TMEM38A: variants seen among roughly 807,000 people sequenced by gnomAD.
TMEM38A encodes transmembrane protein 38A, also known as trimeric intracellular cation channel type A.
A neutral mutation model predicts 28.6 loss-of-function variants in TMEM38A; 17 were observed. That is an observed-to-expected ratio of 0.60 (90% CI 0.41 to 0.89). The LOEUF is 0.89. TMEM38A is among the 40% of genes least tolerant of loss of function. TMEM38A has a pLI of 0.00. For missense variants in TMEM38A, 328 were observed against 393.1 expected (o/e 0.83, Z 1.40); for synonymous variants, 169 against 166.1 (o/e 1.02, Z -0.14).
rs545778773 is a variant in TMEM38A at position 16,689,748 on chromosome 19, A to G, written c.*1377A>G. On this transcript the variant is annotated 3_prime_UTR_variant, in exon 6 of 6. Transcript: ENST00000187762. ...GCCTGCTTCAGTGTGAGCGAGGTGGATGATATTATAGCTGAAGGGTCCCTC... is the reference window on the plus strand; with the variant it reads ...GCCTGCTTCAGTGTGAGCGAGGTGGGTGATATTATAGCTGAAGGGTCCCTC... 6.6e-6 allele frequency: 1 copy of G among 152,226 alleles called. No homozygotes were observed. The highest frequency in any genetic ancestry group is 1.5e-5 in the Non-Finnish European group (1 of 68,140). The allele number at this position is 152,226 out of a possible 1,614,324, so 9.4% of individuals were successfully genotyped here. A position where few individuals can be genotyped will look rare whatever the true frequency, so the allele number is the denominator to read the frequency against.
intron 2 of TMEM38A, 125 bp from the exon 3 acceptor site, chr19:16,680,272 C>T (rs2086775850): frequency 6.8e-7 from 1 of 1,476,934 alleles, no homozygotes; most frequent in Non-Finnish European, 9.3e-7. Flanking sequence ...ATATGCTGCC[C>T]TCCATGCCCA....
chr19:16,678,414 T>G (rs1599389726), intron 1 of TMEM38A, among the ~76,000 whole-genome samples: 1 of 123,576 alleles, frequency 8.1e-6, no homozygotes. Context: ...GGTGACAGAG[T>G]GAGACTCTGT....
At chr19:16,686,156 C>G (rs769844750) in intron 4 of TMEM38A, 132 bp from the exon 5 acceptor site, 75 of 627,662 alleles carry the variant, frequency 1.2e-4, no homozygotes, top group Non-Finnish European at 1.7e-4. Context: ...GAGTGAGATT[C>G]CATCTCAAAA....
rs151014278 is a variant in TMEM38A at position 16,682,729 on chromosome 19, G to A, written c.554+221G>A. Reference sequence around the variant, plus strand: ...TGCAGGAAGGAGGCAATACCTGATTGGGGTTTTGAAGGGTGAGCAGGAGTT... The same window carrying A: ...TGCAGGAAGGAGGCAATACCTGATTAGGGTTTTGAAGGGTGAGCAGGAGTT... On this transcript the variant is annotated intron_variant, in intron 4 of 5. Coordinates refer to ENST00000187762, the MANE Select transcript of TMEM38A (RefSeq NM_024074.4). Among the ~76,000 whole-genome samples the A allele has an allele frequency of 7.5e-3, 1,139 of 152,260 alleles. 7 individuals carry two copies. Among genetic ancestry groups the A allele is most frequent in the Middle Eastern group, 0.02 (6 of 294 alleles).
chr19:16,670,269 G>GTTT (rs1411682446), intron 1 of TMEM38A, among the ~76,000 whole-genome samples: 22 of 121,384 alleles, frequency 1.8e-4, no homozygotes, highest in African/African-American at 6.9e-4. Context: ...CGCCCGGCCT[G>GTTT]TTTTTTGTTT....
At chr19:16,674,052 C>A (rs2086739058) in intron 1 of TMEM38A, among the ~76,000 whole-genome samples, 3 of 151,952 alleles carry the variant, frequency 2.0e-5, no homozygotes, top group Non-Finnish European at 4.4e-5. Context: ...CATCACTGCA[C>A]TCCAGCCTGG....
In TMEM38A at chr19:16,688,260, T is replaced by G; in HGVS notation, c.789T>G (p.Gly263=). Residue 263 remains glycine, a synonymous_variant, in exon 6 of 6, where the codon GGT becomes GGG. Transcript: ENST00000187762. ...CGGDHHHDNH[G]GSHSGGGPGA... ...GTGACCATCACCACGACAACCATGGTGGGTCCCACAGCGGTGGTGGGCCAG... is the reference window on the plus strand; with the variant it reads ...GTGACCATCACCACGACAACCATGGGGGGTCCCACAGCGGTGGTGGGCCAG... The G allele has an allele frequency of 6.2e-7, 1 of 1,604,616 alleles. No homozygotes were observed. Among genetic ancestry groups the G allele is most frequent in the Admixed American group, 1.7e-5 (1 of 58,878 alleles).
chr19:16,668,023 A>C (rs1256535550), intron 1 of TMEM38A, among the ~76,000 whole-genome samples: 1 of 152,088 alleles, frequency 6.6e-6, no homozygotes, highest in African/African-American at 2.4e-5. Context: ...AGCCTGACCA[A>C]CATGGTGAAA....
At chr19:16,673,001 T>C (rs2086734201) in intron 1 of TMEM38A, among the ~76,000 whole-genome samples, 1 of 152,208 alleles carries the variant, frequency 6.6e-6, no homozygotes, top group East Asian at 1.9e-4. Flanking sequence ...AAAAATGATC[T>C]GATCCCAAAT....
At position 16,680,519 on chromosome 19, in the gene TMEM38A, A is replaced by G. The variant is rs780258025; in HGVS notation, c.404A>G (p.His135Arg). Residue 135 changes from histidine (H) to arginine (R), a missense_variant, in exon 3 of 6, where the codon CAT becomes CGT. Coordinates refer to ENST00000187762, the MANE Select transcript of TMEM38A (RefSeq NM_024074.4). ...GTCCGCAAGATCGCGGTGGGCATCC[A>G]TCACGCCCATCACCACTACCACCAC... ...VRVRKIAVGI[H>R]HAHHHYHHGW... is the part of the protein sequence containing the mutation. The G allele has an allele frequency of 6.2e-7, 1 of 1,614,076 alleles. No homozygotes were observed. The highest frequency in any genetic ancestry group is 1.3e-5 in the African/African-American group (1 of 74,938).
rs1231740603 is a variant in TMEM38A at position 16,689,684 on chromosome 19, T to G, written c.*1313T>G. 6.6e-6 allele frequency: 1 copy of G among 152,386 alleles called. No homozygotes were observed. Among genetic ancestry groups the G allele is most frequent in the Non-Finnish European group, 1.5e-5 (1 of 68,234 alleles). 9.4% of individuals were successfully genotyped at this position (152,386 alleles called of 1,614,324 possible). On this transcript the variant is annotated 3_prime_UTR_variant, in exon 6 of 6. Transcript: ENST00000187762. Reference sequence around the variant, plus strand: ...AACAAACATACAGATGCTTACCTGCTCTGTGGTCAGCCTTGTGCTGCTGCT... The same window carrying G: ...AACAAACATACAGATGCTTACCTGCGCTGTGGTCAGCCTTGTGCTGCTGCT...
chr19:16,682,614 T>A, intron 4 of TMEM38A, 106 bp downstream of exon 4: 1 of 978,994 alleles, frequency 1.0e-6, no homozygotes, highest in Non-Finnish European at 1.6e-6. Context: ...CCCTTGACTC[T>A]GCCTTTCAGG....
chr19:16,667,279 G>GAAA (rs11436221), intron 1 of TMEM38A, among the ~76,000 whole-genome samples: 1,885 of 145,740 alleles, frequency 0.013, 34 homozygotes, highest in African/African-American at 0.045. Flanking sequence ...TCCATTTCAG[G>GAAA]AAAAAAAAAA....
chr19:16,672,813 G>C (rs753393927), intron 1 of TMEM38A, among the ~76,000 whole-genome samples: 4 of 152,036 alleles, frequency 2.6e-5, no homozygotes, highest in Non-Finnish European at 4.4e-5. Context: ...ACTTGTCTTT[G>C]TTGATACATC....
At chr19:16,666,215 G>A (rs977329334) in intron 1 of TMEM38A, among the ~76,000 whole-genome samples, 1 of 151,900 alleles carries the variant, frequency 6.6e-6, no homozygotes, top group Non-Finnish European at 1.5e-5. Flanking sequence ...TCTTGACCTC[G>A]TGATCCGCCC....
At position 16,672,446 on chromosome 19, in the gene TMEM38A, AT is replaced by A. The variant is rs746189021; in HGVS notation, c.125-7518del. Among the ~76,000 whole-genome samples, 530 of 104,988 alleles carry A rather than the reference AT, an allele frequency of 5.0e-3. 7 individuals are homozygous for A. In the East Asian group the frequency reaches 0.074, roughly 15 times the overall value. 68.9% of individuals were successfully genotyped at this position (104,988 alleles called of 152,430 possible). A position where few individuals can be genotyped will look rare whatever the true frequency, so the allele number is the denominator to read the frequency against. On this transcript the variant is annotated intron_variant, in intron 1 of 5. Transcript: ENST00000187762. ...TAAAAAAAAATCACAAAAAAACCTC[AT>A]TTTTTTTTTTTTTTTTTTTGAGGCA...
intron 1 of TMEM38A, among the ~76,000 whole-genome samples, chr19:16,669,681 A>G (rs1184512248): frequency 6.6e-6 from 1 of 152,152 alleles, no homozygotes; most frequent in South Asian, 2.1e-4. Context: ...AAACTGAGGC[A>G]GAATGCTGAG....
At chr19:16,669,138 T>C (rs1352517022) in intron 1 of TMEM38A, among the ~76,000 whole-genome samples, 1 of 150,474 alleles carries the variant, frequency 6.6e-6, no homozygotes, top group East Asian at 2.0e-4. Flanking sequence ...CCAAATAGTA[T>C]TTCATAGTAA....
chr19:16,666,439 T>A (rs2086703510), intron 1 of TMEM38A, among the ~76,000 whole-genome samples: 1 of 151,990 alleles, frequency 6.6e-6, no homozygotes, highest in Admixed American at 6.6e-5. Context: ...AAAAAATTTT[T>A]TTTTTTCGAG....
Sources: gnomAD v4.1 joint callset for allele counts (sites outside exome capture counted in the v4.1 genomes callset) on GRCh38, gnomAD v4.1.1 for gene constraint, MANE v1.5 for transcripts, NCBI Gene and HGNC (gene_info 2026-07-23, HGNC 2026-07-21) for gene names.